Variants in RBFOX3 observed in about 807,000 individuals in gnomAD.
The protein encoded by RBFOX3 is RNA binding protein fox-1 homolog 3.
A neutral mutation model predicts 48.7 loss-of-function variants in RBFOX3; 17 were observed. The ratio of observed to expected loss-of-function variants is 0.35; its 90% CI spans 0.24 to 0.52. The LOEUF (loss-of-function observed/expected upper bound fraction) is 0.52, where lower values mean the gene tolerates loss of function less well. Among genes scored for constraint, RBFOX3 ranks in the 20% least tolerant of loss-of-function variants. RBFOX3 has a pLI of 0.94. For missense variants in RBFOX3, 382 were observed against 497.5 expected (o/e 0.77, Z 2.21); for synonymous variants, 212 against 209.5 (o/e 1.01, Z -0.10).
intron 5 of RBFOX3, among the ~76,000 whole-genome samples, chr17:79,113,299 C>A (rs536716301): frequency 8.3e-4 from 127 of 152,260 alleles, no homozygotes; most frequent in East Asian, 2.9e-3. Flanking sequence ...TCTGCATGAA[C>A]AAATACTCCA....
chr17:79,167,043 C>T (rs1377554102), intron 4 of RBFOX3, among the ~76,000 whole-genome samples: 1 of 152,192 alleles, frequency 6.6e-6, no homozygotes, highest in African/African-American at 2.4e-5. Flanking sequence ...TCTCTCAAGA[C>T]CCCCGGCAAG....
At chr17:79,420,280 G>A (rs2066095940) in intron 2 of RBFOX3, among the ~76,000 whole-genome samples, 1 of 152,162 alleles carries the variant, frequency 6.6e-6, no homozygotes, top group Non-Finnish European at 1.5e-5. Context: ...CGTGGAAATG[G>A]AAAGTTTCTG....
At chr17:79,654,510 A>G in the RBFOX3 span, among the ~76,000 whole-genome samples, 62 of 152,104 alleles carry the variant, frequency 4.1e-4, no homozygotes, top group East Asian at 0.01. Flanking sequence ...GACATTGAAA[A>G]CTCTACAGAT....
At chr17:79,246,108 C>T (rs2063138120) in intron 3 of RBFOX3, among the ~76,000 whole-genome samples, 1 of 152,150 alleles carries the variant, frequency 6.6e-6, no homozygotes, top group Non-Finnish European at 1.5e-5. Flanking sequence ...ATTGTCTGAC[C>T]TTGACTTTTA....
At chr17:79,153,869 G>A (rs919179926) in intron 4 of RBFOX3, among the ~76,000 whole-genome samples, 2 of 152,060 alleles carry the variant, frequency 1.3e-5, no homozygotes, top group Non-Finnish European at 2.9e-5. Flanking sequence ...CCTGAGCCCC[G>A]GCTGCCCATG....
chr17:79,209,764 C>T (rs916748695), intron 4 of RBFOX3, among the ~76,000 whole-genome samples: 27 of 152,088 alleles, frequency 1.8e-4, no homozygotes, highest in African/African-American at 5.8e-4. Flanking sequence ...GAGGCGGAGG[C>T]GGGTGGATCA....
At position 79,103,327 on chromosome 17, in the gene RBFOX3, A is replaced by G. The variant is rs2076784472; in HGVS notation, c.415-73T>C. 1.9e-6 allele frequency: 2 copies of G among 1,043,840 alleles called. No homozygotes were observed. The highest frequency in any genetic ancestry group is 3.2e-5 in the African/African-American group (2 of 62,538). 64.7% of individuals were successfully genotyped at this position (1,043,840 alleles called of 1,614,324 possible). On this transcript the variant is annotated intron_variant, in intron 7 of 14. Coordinates refer to ENST00000693108, the MANE Select transcript of RBFOX3 (RefSeq NM_001350451.2). This position sits in a 1 kb window ranked among gnomAD's most constrained non-coding sequence, Gnocchi z 6.1. ...GGCGAGAAAGAGGAGGAAGACGAGG[A>G]AGAAGAGGAGTGGGAGGGGGGCAGG...
intron 1 of RBFOX3, among the ~76,000 whole-genome samples, chr17:79,552,390 G>C (rs1207079067): frequency 2.6e-5 from 4 of 152,072 alleles, no homozygotes; most frequent in African/African-American, 9.7e-5. Context: ...AGCCTTTCAT[G>C]GCCCCCACTC....
At chr17:79,353,617 G>A (rs1045323912) in intron 2 of RBFOX3, among the ~76,000 whole-genome samples, 3 of 152,192 alleles carry the variant, frequency 2.0e-5, no homozygotes, top group Admixed American at 2.0e-4. Context: ...CAAACCTCCA[G>A]GAAATCACTG....
chr17:79,643,858 T>A, the RBFOX3 span, among the ~76,000 whole-genome samples: 1 of 151,782 alleles, frequency 6.6e-6, no homozygotes, highest in African/African-American at 2.4e-5. Context: ...ATTAATGAAC[T>A]AAGCTTCTAC....
chr17:79,253,167 C>T (rs1410382196), intron 3 of RBFOX3, among the ~76,000 whole-genome samples: 1 of 152,210 alleles, frequency 6.6e-6, no homozygotes, highest in African/African-American at 2.4e-5. Context: ...AACCACCACT[C>T]CTCCTAGCAC....
intron 1 of RBFOX3, among the ~76,000 whole-genome samples, chr17:79,578,795 G>C (rs2092947730): frequency 6.6e-6 from 1 of 152,212 alleles, no homozygotes; most frequent in Non-Finnish European, 1.5e-5. Flanking sequence ...TTGGCATTGG[G>C]TTTGGAGCAC....
intron 2 of RBFOX3, among the ~76,000 whole-genome samples, chr17:79,313,410 G>A (rs2077114494): frequency 6.6e-6 from 1 of 152,164 alleles, no homozygotes; most frequent in Admixed American, 6.6e-5. Flanking sequence ...ACTCATTCAT[G>A]TACTCATTCA....
intron 5 of RBFOX3, among the ~76,000 whole-genome samples, chr17:79,110,763 C>T (rs1245589360): frequency 1.3e-5 from 2 of 152,224 alleles, no homozygotes; most frequent in Non-Finnish European, 1.5e-5. Flanking sequence ...ATTTGAAGAA[C>T]ACAGGATTTC....
chr17:79,177,212 C>A (rs577601688), intron 4 of RBFOX3, among the ~76,000 whole-genome samples: 1 of 152,216 alleles, frequency 6.6e-6, no homozygotes, highest in East Asian at 1.9e-4. Context: ...CCTCCTCTCC[C>A]CCCCCGCCCT....
intron 2 of RBFOX3, among the ~76,000 whole-genome samples, chr17:79,344,059 C>T (rs549024977): frequency 6.6e-6 from 1 of 152,166 alleles, no homozygotes; most frequent in Non-Finnish European, 1.5e-5. Context: ...ATATAAACCA[C>T]ATCAAATCTC....
intron 1 of RBFOX3, among the ~76,000 whole-genome samples, chr17:79,541,317 T>C (rs992786990): frequency 7.9e-5 from 12 of 152,096 alleles, no homozygotes; most frequent in Non-Finnish European, 1.6e-4. Context: ...AAGATAAAAA[T>C]GAGCTCTCAG....
chr17:79,476,882 TA>T (rs2077853226), intron 2 of RBFOX3, among the ~76,000 whole-genome samples: 1 of 124,398 alleles, frequency 8.0e-6, no homozygotes, highest in Non-Finnish European at 1.7e-5. Flanking sequence ...AGGAAAGAAG[TA>T]GGGGGAGAGA....
rs535533174 is a variant in RBFOX3, at chr17:79,209,280, ATTGT to A, written c.-34+26482_-34+26485del. ...CCAGTGCCTCCTTCTGGGTGCCCAC[ATTGT>A]TTGAACCCCATCACCATGTTTGCAC... On this transcript the variant is annotated intron_variant, in intron 4 of 14. Coordinates refer to ENST00000693108, the MANE Select transcript of RBFOX3 (RefSeq NM_001350451.2). Among the ~76,000 whole-genome samples, 763 of 152,264 alleles carry A rather than the reference ATTGT, an allele frequency of 5.0e-3. 9 individuals are homozygous for A. Among genetic ancestry groups the A allele is most frequent in the African/African-American group, 0.018 (741 of 41,540 alleles).
Sources: allele counts gnomAD v4.1 joint callset (sites outside exome capture counted in the v4.1 genomes callset), GRCh38; gene constraint gnomAD v4.1.1; non-coding constraint Gnocchi (gnomAD v3.1); transcripts MANE v1.5; gene names NCBI Gene and HGNC (gene_info 2026-07-23, HGNC 2026-07-21).